Variants in CALN1 observed in about 807,000 individuals in gnomAD.
CALN1 encodes calneuron 1.
CALN1 carries 17 observed loss-of-function variants against 30.6 expected under a neutral mutation model. The observed-to-expected ratio is 0.56, with a 90% confidence interval of 0.38 to 0.83. The LOEUF is 0.83. Among genes scored for constraint, CALN1 ranks in the 40% least tolerant of loss-of-function variants. The pLI is 0.00. For missense variants in CALN1, 291 were observed against 354.9 expected (o/e 0.82, Z 1.45); for synonymous variants, 156 against 131.4 (o/e 1.19, Z -1.28).
At chr7:72,285,250 T>G (rs1798008754) in intron 2 of CALN1, among the ~76,000 whole-genome samples, 1 of 152,140 alleles carries the variant, frequency 6.6e-6, no homozygotes, top group South Asian at 2.1e-4. Flanking sequence ...TTTGTTTTGT[T>G]TTGTTTGTTT....
chr7:72,011,934 C>T (rs1312053655), intron 5 of CALN1, among the ~76,000 whole-genome samples: 1 of 152,144 alleles, frequency 6.6e-6, no homozygotes. Flanking sequence ...ATACTCAGCC[C>T]ATTTAGATAA....
Position 72,406,615 on chromosome 7 carries a change from CT to C in CALN1, c.-73-3174del, listed in dbSNP as rs1189744119. ...AGACCCACATGAGGGTCCTTGTCAG[CT>C]TTTTTTTTTTTCTTTTTTAAGACGG... is the stretch of plus-strand genomic sequence containing the variant. On this transcript the variant is annotated intron_variant, in intron 1 of 6. Transcript: ENST00000395275. Among the ~76,000 whole-genome samples, 25 of 102,212 alleles carry C rather than the reference CT, an allele frequency of 2.4e-4. 1 individual carries two copies. In the South Asian group the frequency reaches 3.0e-3, roughly 12 times the overall value. The allele number at this position is 102,212 out of a possible 152,430, so 67.1% of individuals were successfully genotyped here.
At chr7:72,458,297 CTATATTATATAATATATTT>C in the CALN1 span, among the ~76,000 whole-genome samples, 1 of 30,606 alleles carries the variant, frequency 3.3e-5, no homozygotes, top group African/African-American at 1.5e-4. Flanking sequence ...ATAATATATT[CTATATTATATAATATATTT>C]TATAATATAT....
At chr7:72,206,981 G>A (rs752496268) in intron 3 of CALN1, among the ~76,000 whole-genome samples, 5 of 152,152 alleles carry the variant, frequency 3.3e-5, no homozygotes, top group South Asian at 2.1e-4. Flanking sequence ...ATCTGTCACT[G>A]AGCTCCTCTA....
intron 5 of CALN1, among the ~76,000 whole-genome samples, chr7:72,014,209 C>T (rs1165750307): frequency 1.3e-5 from 2 of 151,792 alleles, no homozygotes; most frequent in African/African-American, 2.4e-5. Context: ...GCCTCAGCCT[C>T]CCAGGTAGCT....
At chr7:72,094,175 G>A (rs899842742) in intron 4 of CALN1, among the ~76,000 whole-genome samples, 1 of 152,170 alleles carries the variant, frequency 6.6e-6, no homozygotes, top group African/African-American at 2.4e-5. Context: ...TTACATCTGG[G>A]GAATAGGTGT....
chr7:72,054,460 T>TATATACATATATATAC lies in CALN1; in HGVS notation c.389-30692_389-30691insGTATATATATGTATAT, dbSNP rs1450817880. 3.8e-5 allele frequency among the ~76,000 whole-genome samples: 3 copies of TATATACATATATATAC among 78,556 alleles called. 1 individual carries two copies. Among genetic ancestry groups the TATATACATATATATAC allele is most frequent in the African/African-American group, 1.3e-4 (3 of 23,356 alleles). The allele number at this position is 78,556 out of a possible 152,430, so 51.5% of individuals were successfully genotyped here. A position where few individuals can be genotyped will look rare whatever the true frequency, so the allele number is the denominator to read the frequency against. ...ATATATATATATACATATATATACA[T>TATATACATATATATAC]ATATATACATATATACATACATATA... On this transcript the variant is annotated intron_variant, in intron 4 of 6. Coordinates refer to ENST00000395275, the MANE Select transcript of CALN1 (RefSeq NM_031468.4).
At chr7:72,271,345 T>C (rs1319824968) in intron 3 of CALN1, among the ~76,000 whole-genome samples, 1 of 151,658 alleles carries the variant, frequency 6.6e-6, no homozygotes, top group African/African-American at 2.4e-5. Context: ...TCTTTAATCT[T>C]TTTTAAAAAT....
intron 3 of CALN1, among the ~76,000 whole-genome samples, chr7:72,213,811 G>A (rs1381428746): frequency 2.6e-5 from 4 of 152,144 alleles, no homozygotes; most frequent in East Asian, 3.9e-4. Flanking sequence ...CACCCACCAC[G>A]CTCAGGTCCC....
chr7:71,817,046 A>G (rs1788305705), intron 5 of CALN1, among the ~76,000 whole-genome samples: 1 of 152,182 alleles, frequency 6.6e-6, no homozygotes, highest in Admixed American at 6.5e-5. Context: ...TAGGACATCT[A>G]AACAAAATAA....
At chr7:72,071,983 G>A (rs1200859458) in intron 4 of CALN1, among the ~76,000 whole-genome samples, 1 of 152,090 alleles carries the variant, frequency 6.6e-6, no homozygotes, top group African/African-American at 2.4e-5. Context: ...CTTCTTCAGA[G>A]CAGAAGGAAA....
At chr7:72,028,255 C>T (rs1034485352) in intron 4 of CALN1, among the ~76,000 whole-genome samples, 1 of 141,336 alleles carries the variant, frequency 7.1e-6, no homozygotes, top group African/African-American at 3.1e-5. Flanking sequence ...TTCAAGGTAG[C>T]AAGAGGAGCA....
intron 2 of CALN1, among the ~76,000 whole-genome samples, chr7:72,395,492 G>C (rs1229823904): frequency 1.3e-5 from 2 of 152,178 alleles, no homozygotes; most frequent in Non-Finnish European, 2.9e-5. Flanking sequence ...TACTCTCCAA[G>C]AGGCAGATAC....
At chr7:72,385,892 CTTT>C (rs1019264907) in intron 2 of CALN1, among the ~76,000 whole-genome samples, 4 of 152,130 alleles carry the variant, frequency 2.6e-5, no homozygotes, top group African/African-American at 9.7e-5. Context: ...TCAATTTAAC[CTTT>C]TTTATTTATA....
At chr7:72,041,810 G>C (rs1215747582) in intron 4 of CALN1, among the ~76,000 whole-genome samples, 3 of 152,196 alleles carry the variant, frequency 2.0e-5, no homozygotes, top group Admixed American at 6.5e-5. Context: ...TAAGTCTCAT[G>C]AGATCTGATG....
chr7:71,939,807 C>T (rs1796029941), intron 5 of CALN1, among the ~76,000 whole-genome samples: 1 of 152,118 alleles, frequency 6.6e-6, no homozygotes, highest in African/African-American at 2.4e-5. Flanking sequence ...CAGGGCCTGG[C>T]TGGCATGGTG....
intron 2 of CALN1, among the ~76,000 whole-genome samples, chr7:72,318,214 G>A (rs911184462): frequency 5.9e-5 from 9 of 152,124 alleles, no homozygotes; most frequent in African/African-American, 1.9e-4. Context: ...TTCTTAAAGG[G>A]TCCCATTAAG....
intron 3 of CALN1, among the ~76,000 whole-genome samples, chr7:72,110,683 A>G (rs1563067487): frequency 6.6e-6 from 1 of 151,030 alleles, no homozygotes; most frequent in Non-Finnish European, 1.5e-5. Flanking sequence ...AAAATAGCAG[A>G]AACAGGAAAA....
chr7:72,009,222 C>G (rs1458048103), intron 5 of CALN1, among the ~76,000 whole-genome samples: 4 of 152,182 alleles, frequency 2.6e-5, no homozygotes, highest in Non-Finnish European at 4.4e-5. Context: ...ATAAAGCAAA[C>G]AAATTAATTT....
Sources: allele counts gnomAD v4.1 joint callset (sites outside exome capture counted in the v4.1 genomes callset), GRCh38; gene constraint gnomAD v4.1.1; transcripts MANE v1.5; gene names NCBI Gene and HGNC (gene_info 2026-07-23, HGNC 2026-07-21).